CAST: variants seen among roughly 807,000 people sequenced by gnomAD.
CAST encodes the protein MIR583 host.
In CAST, 76 loss-of-function variants were observed where a neutral mutation model predicts 119.6. The ratio of observed to expected loss-of-function variants is 0.64; its 90% CI spans 0.53 to 0.77. The LOEUF is 0.77. Among genes scored for constraint, CAST ranks in the 30% least tolerant of loss-of-function variants. The pLI is 0.00. For synonymous variants in CAST, 319 were observed against 331.6 expected, an observed-to-expected ratio of 0.96 and a Z score of 0.41; for missense variants, 953 against 946.5, an observed-to-expected ratio of 1.01 and a Z score of -0.09.
At chr5:96,117,149 A>AT in the CAST span, among the ~76,000 whole-genome samples, 1 of 151,956 alleles carries the variant, frequency 6.6e-6, no homozygotes, top group Non-Finnish European at 1.5e-5. Flanking sequence ...TTAAATTTTG[A>AT]TTAACTTCAT....
chr5:95,964,117 T>C, the CAST span, among the ~76,000 whole-genome samples: 2 of 152,342 alleles, frequency 1.3e-5, no homozygotes, highest in Admixed American at 6.5e-5. Flanking sequence ...TTTGTATTTT[T>C]CCCCTTTTGA....
At chr5:96,327,379 TA>T in the CAST span, among the ~76,000 whole-genome samples, 1 of 152,222 alleles carries the variant, frequency 6.6e-6, no homozygotes, top group Non-Finnish European at 1.5e-5. Flanking sequence ...CCTTCAAAGA[TA>T]AAGTATACTA....
At chr5:96,014,563 A>G in the CAST span, among the ~76,000 whole-genome samples, 1 of 152,304 alleles carries the variant, frequency 6.6e-6, no homozygotes, top group South Asian at 2.1e-4. Flanking sequence ...CATCACCACA[A>G]ACACATGAGT....
At chr5:96,163,649 C>T in the CAST span, among the ~76,000 whole-genome samples, 1 of 152,162 alleles carries the variant, frequency 6.6e-6, no homozygotes, top group Non-Finnish European at 1.5e-5. Context: ...AGCCACTGGG[C>T]CTGAAATCCA....
At chr5:96,730,314 A>G (rs1760190832) in intron 8 of CAST, among the ~76,000 whole-genome samples, 2 of 152,252 alleles carry the variant, frequency 1.3e-5, no homozygotes, top group African/African-American at 4.8e-5. Context: ...ATCAGAGATC[A>G]CAGATTTGTG....
chr5:96,619,914 TA>T (rs1747565483), intron 1 of CAST, among the ~76,000 whole-genome samples: 1 of 152,232 alleles, frequency 6.6e-6, no homozygotes, highest in South Asian at 2.1e-4. Flanking sequence ...TGTACCTCAC[TA>T]ACCATGTGAC....
chr5:96,205,492 G>A, the CAST span, among the ~76,000 whole-genome samples: 2 of 151,912 alleles, frequency 1.3e-5, no homozygotes, highest in African/African-American at 4.8e-5. Flanking sequence ...GTAGGCCTCC[G>A]TGTCTCTTGT....
the CAST span, chr5:95,961,693 C>T: frequency 1.1e-5 from 17 of 1,604,604 alleles, no homozygotes; most frequent in Admixed American, 3.4e-5. Flanking sequence ...CTGCTCCTCC[C>T]GCAGGCCCCC....
At chr5:96,634,831 A>AAAC (rs1281305715) in intron 1 of CAST, among the ~76,000 whole-genome samples, 3 of 152,214 alleles carry the variant, frequency 2.0e-5, no homozygotes, top group East Asian at 1.9e-4. Flanking sequence ...TTGTGACTAA[A>AAAC]AACAACAACA....
At chr5:96,591,752 C>T (rs1442351368) in intron 1 of CAST, among the ~76,000 whole-genome samples, 6 of 152,110 alleles carry the variant, frequency 3.9e-5, no homozygotes, top group Admixed American at 3.9e-4. Context: ...ACAGAAAAGC[C>T]TCGAAGTAAT....
chr5:96,403,042 G>C, the CAST span, among the ~76,000 whole-genome samples: 2 of 152,150 alleles, frequency 1.3e-5, no homozygotes, highest in African/African-American at 4.8e-5. Flanking sequence ...GTATGTGCAG[G>C]TGCATGTGTG....
chr5:96,505,911 T>G, the CAST span, among the ~76,000 whole-genome samples: 1 of 152,184 alleles, frequency 6.6e-6, no homozygotes, highest in African/African-American at 2.4e-5. Flanking sequence ...GACCTTGGAG[T>G]ACCTGAGGAT....
At chr5:96,628,217 T>A (rs1460126851) in intron 1 of CAST, among the ~76,000 whole-genome samples, 1 of 152,228 alleles carries the variant, frequency 6.6e-6, no homozygotes, top group African/African-American at 2.4e-5. Context: ...AAAAATGCCC[T>A]ATGGAGGAAA....
At chr5:96,225,995 T>C in the CAST span, among the ~76,000 whole-genome samples, 1 of 152,174 alleles carries the variant, frequency 6.6e-6, no homozygotes, top group African/African-American at 2.4e-5. Flanking sequence ...AAGGTCAAAC[T>C]TCTAATAACT....
At chr5:96,502,729 A>C in the CAST span, among the ~76,000 whole-genome samples, 5,576 of 151,542 alleles carry the variant, frequency 0.037, 164 homozygotes, top group Non-Finnish European at 0.06. Context: ...TATGTTTTTT[A>C]CTAAATATTA....
chr5:96,383,415 C>T, the CAST span, among the ~76,000 whole-genome samples: 1 of 152,186 alleles, frequency 6.6e-6, no homozygotes, highest in East Asian at 1.9e-4. Context: ...ACAAATTGCC[C>T]AGGGCTTCAG....
At chr5:96,728,893 T>C (rs1237969643) in intron 6 of CAST, 2 of 404,874 alleles carry the variant, frequency 4.9e-6, no homozygotes, top group East Asian at 4.8e-5. Context: ...ATACGTGTAT[T>C]TGAAAATATT....
intron 30 of CAST, among the ~76,000 whole-genome samples, chr5:96,771,288 G>A (rs1416156259): frequency 6.6e-6 from 1 of 152,094 alleles, no homozygotes; most frequent in African/African-American, 2.4e-5. Flanking sequence ...AACCCTTTAT[G>A]ATGAGTGGAT....
the CAST span, among the ~76,000 whole-genome samples, chr5:95,990,878 A>C: frequency 6.6e-6 from 1 of 152,148 alleles, no homozygotes; most frequent in Non-Finnish European, 1.5e-5. Context: ...CACTAGGATT[A>C]CAGGTGTGAG....
Sources: gnomAD v4.1 joint callset for allele counts (sites outside exome capture counted in the v4.1 genomes callset) on GRCh38, gnomAD v4.1.1 for gene constraint, MANE v1.5 for transcripts, NCBI Gene and HGNC (gene_info 2026-07-23, HGNC 2026-07-21) for gene names.